BLTP1: variants seen among roughly 807,000 people sequenced by gnomAD.
BLTP1 encodes the protein fragile site-associated protein.
At chr4:122,187,192 ATAGTT>A in the BLTP1 span, 3 of 982,236 alleles carry the variant, frequency 3.1e-6, no homozygotes, top group Non-Finnish European at 3.6e-6. Flanking sequence ...TTCTAAAAAC[ATAGTT>A]TTGTTATAAT....
At chr4:122,200,646 G>A in the BLTP1 span, 21 of 981,928 alleles carry the variant, frequency 2.1e-5, no homozygotes, top group Admixed American at 6.2e-5. Flanking sequence ...GTGACAGTAC[G>A]CATCACACTC....
At chr4:122,181,165 CTA>C in the BLTP1 span, 4 of 350,920 alleles carry the variant, frequency 1.1e-5, no homozygotes, top group Non-Finnish European at 1.6e-5. Context: ...TGACAATCAT[CTA>C]TAAAGCAGAT....
chr4:122,269,946 C>T, the BLTP1 span, among the ~76,000 whole-genome samples: 1 of 152,114 alleles, frequency 6.6e-6, no homozygotes, highest in Middle Eastern at 3.4e-3. Context: ...TTTTCTTTTT[C>T]TCCTTTATTT....
chr4:122,190,179 C>T, the BLTP1 span: 4 of 1,423,480 alleles, frequency 2.8e-6, no homozygotes, highest in African/African-American at 4.3e-5. Flanking sequence ...CCACTATACC[C>T]TTGACCTTCC....
the BLTP1 span, among the ~76,000 whole-genome samples, chr4:122,228,063 A>G: frequency 1.3e-5 from 2 of 151,428 alleles, no homozygotes; most frequent in Non-Finnish European, 1.5e-5. Flanking sequence ...ACAGGCGCCC[A>G]CCACCACGCC....
At chr4:122,199,851 G>A in the BLTP1 span, 2 of 893,754 alleles carry the variant, frequency 2.2e-6, no homozygotes, top group Non-Finnish European at 2.7e-6. Flanking sequence ...CCTTTTACTT[G>A]ATGAGTAAGG....
the BLTP1 span, among the ~76,000 whole-genome samples, chr4:122,235,947 C>G: frequency 6.6e-6 from 1 of 152,042 alleles, no homozygotes; most frequent in Admixed American, 6.5e-5. Flanking sequence ...CAGATTTTTC[C>G]TCTGGATTTT....
the BLTP1 span, among the ~76,000 whole-genome samples, chr4:122,176,818 G>A: frequency 6.6e-6 from 1 of 152,114 alleles, no homozygotes; most frequent in African/African-American, 2.4e-5. Flanking sequence ...TGTTTCCTCA[G>A]ATTTATCACA....
the BLTP1 span, chr4:122,182,582 G>A: frequency 2.8e-5 from 25 of 904,100 alleles, no homozygotes; most frequent in Non-Finnish European, 3.2e-5. Flanking sequence ...CATCATGCAT[G>A]CTCCTTGAGG....
At chr4:122,314,358 A>G in the BLTP1 span, among the ~76,000 whole-genome samples, 1 of 152,158 alleles carries the variant, frequency 6.6e-6, no homozygotes, top group African/African-American at 2.4e-5. Flanking sequence ...TAGGCTAGCC[A>G]TTGAATGTTT....
chr4:122,351,235 C>G, the BLTP1 span: 3 of 878,100 alleles, frequency 3.4e-6, no homozygotes, highest in African/African-American at 5.5e-5. Context: ...AGAAGTAATA[C>G]GTATACATTG....
At chr4:122,237,811 T>A in the BLTP1 span, among the ~76,000 whole-genome samples, 1 of 151,822 alleles carries the variant, frequency 6.6e-6, no homozygotes, top group Non-Finnish European at 1.5e-5. Flanking sequence ...GGGGAAACCC[T>A]TTCTCTACTG....
the BLTP1 span, among the ~76,000 whole-genome samples, chr4:122,295,125 A>C: frequency 6.6e-6 from 1 of 152,148 alleles, no homozygotes; most frequent in East Asian, 1.9e-4. Context: ...AAAAGACCAA[A>C]CCTATGACTG....
At chr4:122,238,546 A>G in the BLTP1 span, among the ~76,000 whole-genome samples, 4 of 152,376 alleles carry the variant, frequency 2.6e-5, no homozygotes, top group East Asian at 5.8e-4. Flanking sequence ...CATTCAAGAT[A>G]TGAGGAAAGT....
At chr4:122,198,364 A>G in the BLTP1 span, 3 of 985,392 alleles carry the variant, frequency 3.0e-6, no homozygotes, top group Middle Eastern at 5.2e-4. Context: ...GAAAAGCCAA[A>G]AGCATCTTTT....
chr4:122,162,480 T>C, the BLTP1 span: 3 of 983,162 alleles, frequency 3.1e-6, no homozygotes, highest in Non-Finnish European at 3.6e-6. Context: ...GGTTCACAGA[T>C]GGGAATTGGG....
At chr4:122,274,741 C>T in the BLTP1 span, 1 of 428,004 alleles carries the variant, frequency 2.3e-6, no homozygotes, top group Non-Finnish European at 3.1e-6. Flanking sequence ...AATATTATGA[C>T]TAGTTAATGT....
chr4:122,328,442 CA>C, the BLTP1 span: 5 of 1,245,604 alleles, frequency 4.0e-6, no homozygotes, highest in South Asian at 3.1e-5. Flanking sequence ...TCAGCTTTTA[CA>C]AAAAACATTT....
At chr4:122,338,333 C>G in the BLTP1 span, among the ~76,000 whole-genome samples, 1 of 151,520 alleles carries the variant, frequency 6.6e-6, no homozygotes, top group Admixed American at 6.6e-5. Flanking sequence ...ATTAGCGAGG[C>G]GTGATTGTAT....
Sources: allele counts gnomAD v4.1 joint callset (sites outside exome capture counted in the v4.1 genomes callset), GRCh38; gene constraint gnomAD v4.1.1; transcripts MANE v1.5; gene names NCBI Gene and HGNC (gene_info 2026-07-23, HGNC 2026-07-21).